The following PRIMPOL variants were observed in gnomAD, a reference collection of about 807,000 sequenced individuals.
PRIMPOL encodes primase and DNA directed polymerase, also known as DNA-directed primase/polymerase protein.
In PRIMPOL, 54 loss-of-function variants were observed where a neutral mutation model predicts 63.6. That is an observed-to-expected ratio of 0.85 (90% CI 0.68 to 1.07). The LOEUF (loss-of-function observed/expected upper bound fraction) is 1.07. PRIMPOL is among the 50% of genes least tolerant of loss of function. The probability of loss-of-function intolerance (pLI) is 0.00; values close to 1 mark genes in which losing one functional copy is unlikely to be tolerated. For missense variants in PRIMPOL, 610 were observed against 648.3 expected (o/e 0.94, Z 0.64); for synonymous variants, 197 against 220.2 (o/e 0.89, Z 0.93).
At chr4:184,674,645 C>T (rs1451864283) in intron 7 of PRIMPOL, among the ~76,000 whole-genome samples, 7 of 152,238 alleles carry the variant, frequency 4.6e-5, no homozygotes, top group South Asian at 2.1e-4. Context: ...TACTCTTGAC[C>T]GGAAGCCTCA....
rs781359357 is a variant in PRIMPOL at position 184,666,073 on chromosome 4, A to G, written c.556+9A>G. 3.2e-6 allele frequency: 5 copies of G among 1,579,090 alleles called. No individual in the cohort carries two copies. Among genetic ancestry groups the G allele is most frequent in the Non-Finnish European group, 4.3e-6 (5 of 1,166,000 alleles). ...AGATAATATTCATGTTGGTAAGTAC[A>G]CGGCTTTTTAAAAATCATGGAGTTG... On this transcript the variant is annotated intron_variant, in intron 6 of 13. Transcript: ENST00000314970.
intron 13 of PRIMPOL, among the ~76,000 whole-genome samples, chr4:184,692,534 A>T (rs938072733): frequency 1.3e-5 from 2 of 151,864 alleles, no homozygotes; most frequent in African/African-American, 4.8e-5. Context: ...CAAGAAGCAA[A>T]GAGGAAAGAA....
chr4:184,688,302 C>T (rs1757532393), intron 11 of PRIMPOL, among the ~76,000 whole-genome samples: 1 of 152,194 alleles, frequency 6.6e-6, no homozygotes, highest in South Asian at 2.1e-4. Flanking sequence ...GATTTTTCTA[C>T]TGTTCCATAT....
At chr4:184,667,341 C>G (rs1032903156) in intron 6 of PRIMPOL, among the ~76,000 whole-genome samples, 15 of 151,996 alleles carry the variant, frequency 9.9e-5, no homozygotes, top group African/African-American at 3.1e-4. Context: ...GACAGAGTCT[C>G]GCTCTGTCGC....
chr4:184,667,808 T>C (rs1750504513), intron 6 of PRIMPOL, among the ~76,000 whole-genome samples: 1 of 152,134 alleles, frequency 6.6e-6, no homozygotes, highest in African/African-American at 2.4e-5. Context: ...TTATACCCCA[T>C]CCCCTTCCCC....
chr4:184,658,158 G>A (rs559347944), intron 3 of PRIMPOL, among the ~76,000 whole-genome samples: 1 of 151,910 alleles, frequency 6.6e-6, no homozygotes, highest in South Asian at 2.1e-4. Flanking sequence ...AGTGTGCTGT[G>A]AGTCTGATCA....
chr4:184,661,925 T>G, intron 5 of PRIMPOL, 22 bp downstream of exon 5: 1 of 1,472,290 alleles, frequency 6.8e-7, no homozygotes, highest in Non-Finnish European at 9.0e-7. Flanking sequence ...ACTCAAGTTT[T>G]TCTTATTTCT....
chr4:184,652,319 A>G (rs993773164), intron 2 of PRIMPOL, among the ~76,000 whole-genome samples: 2 of 152,096 alleles, frequency 1.3e-5, no homozygotes, highest in African/African-American at 4.8e-5. Flanking sequence ...GTGAAAAGTG[A>G]TGAAAATGGT....
intron 2 of PRIMPOL, among the ~76,000 whole-genome samples, chr4:184,652,847 AAAAG>A (rs1290844226): frequency 6.7e-5 from 10 of 149,638 alleles, no homozygotes; most frequent in African/African-American, 2.5e-4. Flanking sequence ...TGATGAGAAA[AAAAG>A]AAAAAAGAAA....
At chr4:184,682,156 G>C in intron 8 of PRIMPOL, 92 bp from the exon 9 acceptor site, 1 of 608,488 alleles carries the variant, frequency 1.6e-6, no homozygotes, top group South Asian at 2.4e-5. Flanking sequence ...TTTTAATGAG[G>C]AACTATTAGG....
At position 184,661,839 on chromosome 4, in the gene PRIMPOL, T is replaced by G; in HGVS notation, c.344T>G (p.Leu115Trp). Residue 115 changes from leucine (L) to tryptophan (W), a missense_variant, in exon 5 of 14, where the codon TTG becomes TGG. Leu to Trp is a moderately conservative substitution (Grantham distance 61). Around this residue, in one of 3 missense-constraint regions of PRIMPOL, gnomAD observed 159 missense variants for 168.9 expected, o/e 0.94. Transcript: ENST00000314970. ...ENAVCKLYFD[L>W]EFNKPANPGA... ...GCTGTGTGCAAGCTTTATTTTGATT[T>G]GGAATTTAACAAACCTGCCAACCCA... is the stretch of plus-strand genomic sequence containing the variant. 2 of 1,613,946 alleles carry G rather than the reference T, an allele frequency of 1.2e-6. No individual in the cohort carries two copies. The highest frequency in any genetic ancestry group is 1.7e-5 in the Admixed American group (1 of 60,016).
chr4:184,677,452 G>A (rs77443910), intron 7 of PRIMPOL, among the ~76,000 whole-genome samples: 4,405 of 152,206 alleles, frequency 0.029, 218 homozygotes, highest in African/African-American at 0.1. Context: ...ATTTTGATCT[G>A]TTTCTAGACC....
chr4:184,687,106 C>T (rs552009281), intron 11 of PRIMPOL, among the ~76,000 whole-genome samples: 32 of 152,136 alleles, frequency 2.1e-4, no homozygotes, highest in South Asian at 8.3e-4. Context: ...AATCTCACTC[C>T]GTTGCCCAGG....
At position 184,661,821 on chromosome 4, in the gene PRIMPOL, G is replaced by A; in HGVS notation, c.326G>A (p.Cys109Tyr). ...CYEVIPENAV[C>Y]KLYFDLEFNK... ...GAAGTTATTCCTGAAAATGCTGTGT[G>A]CAAGCTTTATTTTGATTTGGAATTT... Residue 109 changes from cysteine to tyrosine, a missense_variant, in exon 5 of 14, where the codon TGC becomes TAC. Transcript: ENST00000314970. 6.8e-6 allele frequency: 11 copies of A among 1,613,526 alleles called. No individual in the cohort carries two copies. Among genetic ancestry groups the A allele is most frequent in the Non-Finnish European group, 9.3e-6 (11 of 1,179,604 alleles).
intron 7 of PRIMPOL, among the ~76,000 whole-genome samples, chr4:184,677,212 G>T (rs1579530069): frequency 6.6e-6 from 1 of 151,614 alleles, no homozygotes; most frequent in East Asian, 2.0e-4. Flanking sequence ...TCCTCCTGTT[G>T]TGGCCTCCCA....
chr4:184,694,279 T>G lies in PRIMPOL; in HGVS notation c.1426-243T>G, dbSNP rs981045334. On this transcript the variant is annotated intron_variant, in intron 13 of 13. Coordinates refer to ENST00000314970, the MANE Select transcript of PRIMPOL (RefSeq NM_152683.4). ...CCGTCGGGGAGTATTGAAAAGTATG[T>G]GCACAGAACTGTAGGTAATTTCAAA... 12 of 1,252,332 alleles carry G rather than the reference T, an allele frequency of 9.6e-6. No individual in the cohort carries two copies. The African/African-American group carries it at 1.7e-4, about 17-fold the overall frequency. 77.6% of individuals were successfully genotyped at this position (1,252,332 alleles called of 1,614,324 possible).
intron 2 of PRIMPOL, among the ~76,000 whole-genome samples, chr4:184,655,705 C>T (rs1028484926): frequency 5.9e-5 from 9 of 152,152 alleles, no homozygotes; most frequent in African/African-American, 2.2e-4. Flanking sequence ...GCAAAGTTTT[C>T]TGCTAAAATT....
intron 11 of PRIMPOL, among the ~76,000 whole-genome samples, chr4:184,688,928 G>A (rs1263619665): frequency 6.6e-6 from 1 of 151,700 alleles, no homozygotes; most frequent in African/African-American, 2.4e-5. Flanking sequence ...AAACAACTTG[G>A]TAAGTGTTTA....
In PRIMPOL at chr4:184,694,672, A is replaced by G. The variant is rs1230871429; in HGVS notation, c.1576A>G (p.Thr526Ala). The G allele has an allele frequency of 1.9e-6, 3 of 1,614,056 alleles. No individual in the cohort carries two copies. The highest frequency in any genetic ancestry group is 4.5e-5 in the East Asian group (2 of 44,892). The change falls in exon 14 of 14, where the codon ACT (threonine) becomes GCT (alanine). Residue 526 changes from threonine to alanine, a missense_variant. Coordinates refer to ENST00000314970, the MANE Select transcript of PRIMPOL (RefSeq NM_152683.4). ...TGATGATGCTTATTTTTTAGAAGCT[A>G]CTGAAGATGCTGAATTAGCTGAAGC... Reference protein sequence around the residue: ...GIDDAYFLEATEDAELAEAAE... With the variant: ...GIDDAYFLEAAEDAELAEAAE...
Sources: allele counts gnomAD v4.1 joint callset (sites outside exome capture counted in the v4.1 genomes callset), GRCh38; gene constraint gnomAD v4.1.1; regional missense constraint gnomAD v4.1.1; transcripts MANE v1.5; gene names NCBI Gene and HGNC (gene_info 2026-07-23, HGNC 2026-07-21).